The following PSMD14 variants were observed in gnomAD, a reference collection of about 807,000 sequenced individuals.
PSMD14 encodes the protein ubiquitin C-terminal hydrolase PSMD14.
In PSMD14, 7 loss-of-function variants were observed where a neutral mutation model predicts 41.2. That is an observed-to-expected ratio of 0.17 (90% CI 0.10 to 0.32). PSMD14 has a LOEUF of 0.32. PSMD14 is among the 10% of genes least tolerant of loss of function. The pLI is 1.00. For synonymous variants in PSMD14, 114 were observed against 122.3 expected, an observed-to-expected ratio of 0.93 and a Z score of 0.45; for missense variants, 139 against 375.6, an observed-to-expected ratio of 0.37 and a Z score of 5.21.
intron 3 of PSMD14, among the ~76,000 whole-genome samples, chr2:161,323,926 C>T (rs1224290256): frequency 5.8e-5 from 3 of 51,678 alleles, no homozygotes; most frequent in Non-Finnish European, 1.1e-4. Context: ...TTGGCTACTT[C>T]GTTGTCTTTA....
intron 10 of PSMD14, among the ~76,000 whole-genome samples, chr2:161,404,609 G>A (rs1683925173): frequency 6.6e-6 from 1 of 152,088 alleles, no homozygotes. Flanking sequence ...TATTCTCGGA[G>A]TCATAACCTT....
At chr2:161,327,009 G>A (rs1385601499) in intron 3 of PSMD14, among the ~76,000 whole-genome samples, 1 of 152,030 alleles carries the variant, frequency 6.6e-6, no homozygotes, top group Non-Finnish European at 1.5e-5. Context: ...AGGGCTGATT[G>A]TACATACAAT....
chr2:161,340,798 G>A (rs1440787334), intron 3 of PSMD14: 24 of 1,613,420 alleles, frequency 1.5e-5, no homozygotes, highest in Non-Finnish European at 1.7e-6. Context: ...TTAGGAGGAC[G>A]CTAAGGATAA....
At position 161,362,070 on chromosome 2, in the gene PSMD14, T is replaced by G. The variant is rs946539206; in HGVS notation, c.49-5408T>G. Among the ~76,000 whole-genome samples, 92 of 152,162 alleles carry G rather than the reference T, an allele frequency of 6.0e-4. 1 individual carries two copies. The highest frequency in any genetic ancestry group is 3.1e-4 in the Non-Finnish European group (21 of 68,026). On this transcript the variant is annotated intron_variant, in intron 3 of 11. Coordinates refer to ENST00000409682, the MANE Select transcript of PSMD14 (RefSeq NM_005805.6). ...GTGTACATTGCTTTTTAATTTTAAT[T>G]AAAAAAATTTTTTTGAGACAGGGTC...
intron 10 of PSMD14, among the ~76,000 whole-genome samples, chr2:161,404,058 A>G (rs1184511063): frequency 6.6e-6 from 1 of 150,492 alleles, no homozygotes; most frequent in African/African-American, 2.4e-5. Flanking sequence ...AGCACTCACC[A>G]CTATGCCTGG....
intron 3 of PSMD14, among the ~76,000 whole-genome samples, chr2:161,323,430 G>A (rs892997468): frequency 3.3e-5 from 5 of 152,036 alleles, no homozygotes; most frequent in African/African-American, 4.8e-5. Context: ...TTGGGAGACC[G>A]AGGGGGCAGA....
chr2:161,314,868 T>C (rs1328248348), intron 1 of PSMD14, among the ~76,000 whole-genome samples: 2 of 152,232 alleles, frequency 1.3e-5, no homozygotes, highest in East Asian at 3.8e-4. Flanking sequence ...GGTGTAAACA[T>C]GCATGTACAT....
At chr2:161,329,734 A>C (rs1682757761) in intron 3 of PSMD14, among the ~76,000 whole-genome samples, 1 of 152,172 alleles carries the variant, frequency 6.6e-6, no homozygotes, top group African/African-American at 2.4e-5. Flanking sequence ...GTGAGGTTAT[A>C]ATTTTATTAA....
At chr2:161,326,035 T>G (rs1003060019) in intron 3 of PSMD14, among the ~76,000 whole-genome samples, 1 of 152,108 alleles carries the variant, frequency 6.6e-6, no homozygotes, top group African/African-American at 2.4e-5. Flanking sequence ...AAATCAAACT[T>G]TATAATTTTT....
At chr2:161,335,268 C>T (rs1038295488) in intron 3 of PSMD14, among the ~76,000 whole-genome samples, 3 of 152,160 alleles carry the variant, frequency 2.0e-5, no homozygotes, top group African/African-American at 7.2e-5. Context: ...TTATGTCCTT[C>T]CAAAGATAAT....
intron 3 of PSMD14, among the ~76,000 whole-genome samples, chr2:161,354,100 C>T (rs1214593595): frequency 6.6e-6 from 1 of 152,188 alleles, no homozygotes; most frequent in Non-Finnish European, 1.5e-5. Flanking sequence ...ATTCTGATAC[C>T]TCAGTGTTCT....
At chr2:161,344,118 G>GT (rs1683007909) in intron 3 of PSMD14, among the ~76,000 whole-genome samples, 1 of 148,420 alleles carries the variant, frequency 6.7e-6, no homozygotes, top group Non-Finnish European at 1.5e-5. Context: ...TTGGTGCGGG[G>GT]GGGTGGGGAG....
At chr2:161,388,808 G>A (rs375579236) in intron 8 of PSMD14, among the ~76,000 whole-genome samples, 10 of 152,092 alleles carry the variant, frequency 6.6e-5, no homozygotes, top group Admixed American at 3.3e-4. Context: ...TCCGTAAGCC[G>A]TGTGTTTTAT....
At position 161,411,442 on chromosome 2, in the gene PSMD14, C is replaced by A. The variant is rs1392612379; in HGVS notation, c.*42C>A. On this transcript the variant is annotated 3_prime_UTR_variant, in exon 12 of 12. Transcript: ENST00000409682. ...ATTAATGATGCCTTCAGTGTATATTCCTCTGTTGTTCCTAATGCTCAAAAT... is the reference window on the plus strand; with the variant it reads ...ATTAATGATGCCTTCAGTGTATATTACTCTGTTGTTCCTAATGCTCAAAAT... The A allele has an allele frequency of 7.2e-7, 1 of 1,394,746 alleles. No individual in the cohort carries two copies. Among genetic ancestry groups the A allele is most frequent in the South Asian group, 1.3e-5 (1 of 77,528 alleles). 86.4% of individuals were successfully genotyped at this position (1,394,746 alleles called of 1,614,324 possible).
intron 9 of PSMD14, among the ~76,000 whole-genome samples, chr2:161,392,688 G>A (rs1683728727): frequency 6.6e-6 from 1 of 152,048 alleles, no homozygotes; most frequent in Admixed American, 6.6e-5. Context: ...TGGCGCAAGG[G>A]GATCTTATAA....
chr2:161,371,897 A>G (rs1683439437), intron 7 of PSMD14, among the ~76,000 whole-genome samples: 1 of 151,980 alleles, frequency 6.6e-6, no homozygotes, highest in African/African-American at 2.4e-5. Flanking sequence ...ATATTGGGTT[A>G]TAGTTCTTTG....
chr2:161,334,856 C>T (rs576725035), intron 3 of PSMD14, among the ~76,000 whole-genome samples: 7 of 152,396 alleles, frequency 4.6e-5, no homozygotes, highest in South Asian at 2.1e-4. Flanking sequence ...TGAGCCATCA[C>T]GCCTGCCGTT....
intron 10 of PSMD14, among the ~76,000 whole-genome samples, chr2:161,403,852 C>T (rs1161423367): frequency 6.6e-6 from 1 of 152,034 alleles, no homozygotes; most frequent in East Asian, 1.9e-4. Context: ...CAAATGAGTG[C>T]TATTTACTCC....
At chr2:161,316,814 A>C (rs1689152766) in intron 2 of PSMD14, among the ~76,000 whole-genome samples, 1 of 152,098 alleles carries the variant, frequency 6.6e-6, no homozygotes. Context: ...CTTTGCTGTG[A>C]TATCTAATTT....
Sources: allele counts gnomAD v4.1 joint callset (sites outside exome capture counted in the v4.1 genomes callset), GRCh38; gene constraint gnomAD v4.1.1; transcripts MANE v1.5; gene names NCBI Gene and HGNC (gene_info 2026-07-23, HGNC 2026-07-21).